The following C2CD3 variants were observed in gnomAD, a reference collection of about 807,000 sequenced individuals.
C2CD3 encodes the protein C2 domain containing 3 centriole elongation regulator.
Under a neutral mutation model 234.0 loss-of-function variants are expected in C2CD3, and 148 were observed. That is an observed-to-expected ratio of 0.63 (90% CI 0.55 to 0.72). The LOEUF is 0.72. Among genes scored for constraint, C2CD3 ranks in the 30% least tolerant of loss-of-function variants. The probability of loss-of-function intolerance (pLI) is 0.00; values close to 1 mark genes in which losing one functional copy is unlikely to be tolerated. For synonymous variants in C2CD3, 1,000 were observed against 1,035.4 expected (o/e 0.97, Z 0.66); for missense variants, 2,577 against 2,811.5 (o/e 0.92, Z 1.89).
chr11:74,065,544 C>T (rs1954480945), intron 24 of C2CD3, among the ~76,000 whole-genome samples: 1 of 152,084 alleles, frequency 6.6e-6, no homozygotes, highest in Non-Finnish European at 1.5e-5. Context: ...ACCATTTGAC[C>T]CAGCCATCCT....
intron 19 of C2CD3, among the ~76,000 whole-genome samples, chr11:74,091,625 A>C (rs768594383): frequency 6.6e-6 from 1 of 152,190 alleles, no homozygotes; most frequent in Non-Finnish European, 1.5e-5. Context: ...CCAAATTCGA[A>C]TTAATCCTCT....
intron 3 of C2CD3, chr11:74,142,142 G>C (rs1244381771): frequency 6.6e-6 from 1 of 152,234 alleles, no homozygotes; most frequent in Non-Finnish European, 1.5e-5. Context: ...TACCTATCAA[G>C]TACAATGACT....
intron 16 of C2CD3, among the ~76,000 whole-genome samples, chr11:74,096,180 C>A (rs1956099580): frequency 6.6e-6 from 1 of 152,148 alleles, no homozygotes; most frequent in African/African-American, 2.4e-5. Context: ...ACAGTGGAAC[C>A]AGGTTTAGAC....
Position 74,048,307 on chromosome 11 carries a change from G to T in C2CD3, c.5393C>A (p.Ala1798Asp). ...IPIYSPFSFP[A>D]SDTYAAFSSH... is the part of the protein sequence containing the mutation. The stretch of plus-strand genomic sequence containing the variant: ...GGAGAATGCAGCATACGTATCAGAG[G>T]CAGGGAAGGAAAAGGGACTGTATAT... The change falls in exon 28 of 33, where the codon GCC (alanine) becomes GAC (aspartate). Residue 1798 changes from alanine to aspartate, a missense_variant. Physicochemically the swap from Ala to Asp is moderately radical, Grantham distance 126. Coordinates refer to ENST00000334126, the MANE Select transcript of C2CD3 (RefSeq NM_001286577.2). 3.7e-6 allele frequency: 6 copies of T among 1,613,702 alleles called. No homozygotes were observed. Among genetic ancestry groups the T allele is most frequent in the Non-Finnish European group, 5.1e-6 (6 of 1,179,736 alleles).
intron 24 of C2CD3, among the ~76,000 whole-genome samples, chr11:74,060,217 C>T (rs933869429): frequency 6.6e-6 from 1 of 152,346 alleles, no homozygotes; most frequent in Non-Finnish European, 1.5e-5. Context: ...TAAAAGGCAA[C>T]AGAAACTTCT....
intron 32 of C2CD3, among the ~76,000 whole-genome samples, chr11:74,013,991 C>T (rs1049046090): frequency 6.6e-6 from 1 of 152,144 alleles, no homozygotes; most frequent in Non-Finnish European, 1.5e-5. Flanking sequence ...CTCTGTTTGG[C>T]CCTTTGGAGC....
chr11:74,063,730 T>C (rs555520625), intron 24 of C2CD3, among the ~76,000 whole-genome samples: 1 of 152,270 alleles, frequency 6.6e-6, no homozygotes, highest in South Asian at 2.1e-4. Flanking sequence ...AGGGATGCCC[T>C]CTCTCACCAC....
At chr11:74,062,899 GA>G (rs1364656244) in intron 24 of C2CD3, among the ~76,000 whole-genome samples, 1 of 151,290 alleles carries the variant, frequency 6.6e-6, no homozygotes, top group Admixed American at 6.6e-5. Flanking sequence ...TAATAAAGAA[GA>G]AAAGAGAGAA....
chr11:74,086,018 G>A, intron 20 of C2CD3, 132 bp from the exon 21 acceptor site: 2 of 913,572 alleles, frequency 2.2e-6, no homozygotes, highest in Non-Finnish European at 3.2e-6. Context: ...TTCTATCTAG[G>A]CTTTTGGCAG....
chr11:74,166,231 A>G (rs1856797474), intron 2 of C2CD3, among the ~76,000 whole-genome samples: 1 of 151,696 alleles, frequency 6.6e-6, no homozygotes, highest in African/African-American at 2.4e-5. Flanking sequence ...AATGGCGTGA[A>G]CCCAGGAAGT....
chr11:74,028,171 G>A, intron 32 of C2CD3, 116 bp downstream of exon 32: 1 of 716,896 alleles, frequency 1.4e-6, no homozygotes, highest in Non-Finnish European at 2.3e-6. Context: ...CTTGAGGAGT[G>A]ACCCCTGCTG....
At chr11:74,077,888 T>C (rs1955144869) in intron 23 of C2CD3, among the ~76,000 whole-genome samples, 1 of 136,568 alleles carries the variant, frequency 7.3e-6, no homozygotes, top group African/African-American at 2.7e-5. Flanking sequence ...TTATTATTAA[T>C]CTTTCAGCAT....
At chr11:74,074,703 G>T in intron 23 of C2CD3, 103 bp from the exon 24 acceptor site, 1 of 915,998 alleles carries the variant, frequency 1.1e-6, no homozygotes, top group Non-Finnish European at 1.6e-6. Context: ...CCTTTGAAAG[G>T]TCTACAAACC....
intron 3 of C2CD3, among the ~76,000 whole-genome samples, chr11:74,148,823 C>T (rs1349365776): frequency 6.6e-6 from 1 of 152,102 alleles, no homozygotes; most frequent in African/African-American, 2.4e-5. Context: ...AGGAGAGATC[C>T]CATGGTTAGT....
Position 74,103,401 on chromosome 11 carries a change from T to A in C2CD3, c.2310A>T (p.Ser770=). Reference sequence around the variant, plus strand: ...AAGGATGTGGTGCTACAGGGCTTGGTGACTTTCGGTTGGGGAGCACCAAGT... The same window carrying A: ...AAGGATGTGGTGCTACAGGGCTTGGAGACTTTCGGTTGGGGAGCACCAAGT... ...AQNLVLPNRK[S]PSPVAPHPST... is the part of the protein sequence containing the mutation. Residue 770 remains serine, a synonymous_variant, in exon 14 of 33, where the codon TCA becomes TCT. Transcript: ENST00000334126. 6.2e-7 allele frequency: 1 copy of A among 1,614,206 alleles called. No homozygotes were observed.
chr11:74,100,716 A>G, intron 14 of C2CD3, 40 bp from the exon 15 acceptor site: 2 of 1,523,512 alleles, frequency 1.3e-6, no homozygotes, highest in Admixed American at 4.1e-5. Flanking sequence ...AAAAACTCAT[A>G]CCTGAGACAA....
At chr11:74,155,500 C>A (rs1325687775) in intron 3 of C2CD3, among the ~76,000 whole-genome samples, 2 of 152,084 alleles carry the variant, frequency 1.3e-5, no homozygotes, top group African/African-American at 2.4e-5. Flanking sequence ...TCAAAACAAT[C>A]CAAATGTCTA....
At chr11:74,070,091 A>C (rs1954726822) in intron 24 of C2CD3, among the ~76,000 whole-genome samples, 1 of 152,210 alleles carries the variant, frequency 6.6e-6, no homozygotes, top group Non-Finnish European at 1.5e-5. Flanking sequence ...TGCTACTTCA[A>C]ATCATTTTAC....
chr11:74,165,472 T>C (rs985887815), intron 2 of C2CD3, among the ~76,000 whole-genome samples: 2 of 152,214 alleles, frequency 1.3e-5, no homozygotes, highest in Non-Finnish European at 2.9e-5. Context: ...TGACAACATA[T>C]TAATTAGTTT....
Sources: allele counts gnomAD v4.1 joint callset (sites outside exome capture counted in the v4.1 genomes callset), GRCh38; gene constraint gnomAD v4.1.1; transcripts MANE v1.5; gene names NCBI Gene and HGNC (gene_info 2026-07-23, HGNC 2026-07-21).